The following UBXN8 variants were observed in gnomAD, a reference collection of about 807,000 sequenced individuals.
UBXN8 encodes the protein UBX domain-containing protein 8.
A neutral mutation model predicts 32.1 loss-of-function variants in UBXN8; 27 were observed. The observed-to-expected ratio is 0.84, with a 90% CI of 0.62 to 1.16. The LOEUF (loss-of-function observed/expected upper bound fraction) is 1.16, where lower values mean the gene tolerates loss of function less well. Among genes scored for constraint, UBXN8 ranks in the 50% most tolerant of loss-of-function variants. The pLI is 0.00. For synonymous variants in UBXN8, 109 were observed against 111.8 expected, an observed-to-expected ratio of 0.98 and a Z score of 0.16; for missense variants, 306 against 311.4, an observed-to-expected ratio of 0.98 and a Z score of 0.13.
chr8:30,732,080 C>T (rs1406332834), upstream of UBXN8, among the ~76,000 whole-genome samples: 1 of 152,120 alleles, frequency 6.6e-6, no homozygotes, highest in Non-Finnish European at 1.5e-5. Context: ...AAGCTGTTTG[C>T]CTTTCAGTGG....
intron 7 of UBXN8, among the ~76,000 whole-genome samples, chr8:30,764,920 C>T (rs1020573623): frequency 6.6e-6 from 1 of 151,870 alleles, no homozygotes; most frequent in Non-Finnish European, 1.5e-5. Flanking sequence ...CGTGGTGGTG[C>T]GTGCCTGTAG....
upstream of UBXN8, among the ~76,000 whole-genome samples, chr8:30,743,665 G>A (rs1805268361): frequency 6.6e-6 from 1 of 152,224 alleles, no homozygotes; most frequent in African/African-American, 2.4e-5. Context: ...GTGTTAGGGG[G>A]CAGGTATTTG....
chr8:30,755,102 C>A (rs1169881057), intron 4 of UBXN8, among the ~76,000 whole-genome samples: 1 of 151,768 alleles, frequency 6.6e-6, no homozygotes, highest in Non-Finnish European at 1.5e-5. Context: ...ACTACAGGCG[C>A]CTGCCACCAT....
rs369021091 is a variant in UBXN8, at chr8:30,760,875, T to C, written c.529-13T>C. ...AACATGTTTACATTCCTCTTACCAATACTTTTCTTTAGATTCCTGATTTAC... is the reference window on the plus strand; with the variant it reads ...AACATGTTTACATTCCTCTTACCAACACTTTTCTTTAGATTCCTGATTTAC... On this transcript the variant is annotated splice_polypyrimidine_tract_variant and intron_variant, in intron 5 of 7. Coordinates refer to ENST00000265616, the MANE Select transcript of UBXN8 (RefSeq NM_005671.4). 1.1e-3 allele frequency: 1,628 copies of C among 1,520,674 alleles called. 8 individuals are homozygous for C. The highest frequency in any genetic ancestry group is 9.4e-3 in the South Asian group (755 of 80,386). 94.2% of individuals were successfully genotyped at this position (1,520,674 alleles called of 1,614,324 possible). A position where few individuals can be genotyped will look rare whatever the true frequency, so the allele number is the denominator to read the frequency against.
intron 7 of UBXN8, among the ~76,000 whole-genome samples, chr8:30,765,250 G>A (rs1032822531): frequency 2.6e-5 from 4 of 151,816 alleles, no homozygotes; most frequent in Non-Finnish European, 4.4e-5. Flanking sequence ...TAAGATCAGT[G>A]TTCCTGACAG....
chr8:30,737,118 A>AT (rs1805082789), intron 1 of UBXN8, among the ~76,000 whole-genome samples: 1 of 152,226 alleles, frequency 6.6e-6, no homozygotes, highest in African/African-American at 2.4e-5. Context: ...CCAGTCTAGC[A>AT]TAACCATTTT....
rs67334347 is a variant in UBXN8 at position 30,747,894 on chromosome 8, CTTTTTTTT to C, written c.89-3485_89-3478del. On this transcript the variant is annotated intron_variant, in intron 1 of 7. Coordinates refer to ENST00000265616, the MANE Select transcript of UBXN8 (RefSeq NM_005671.4). Reference sequence around the variant, plus strand: ...TTTCTTTTTTTAATATATATTTTTTCTTTTTTTTTTTTTTTTTTTTTTTTGCTACCTTT... The same window carrying C: ...TTTCTTTTTTTAATATATATTTTTTCTTTTTTTTTTTTTTTTGCTACCTTT... Among the ~76,000 whole-genome samples, 35 of 35,638 alleles carry C rather than the reference CTTTTTTTT, an allele frequency of 9.8e-4. 2 individuals are homozygous for C. Among genetic ancestry groups the C allele is most frequent in the African/African-American group, 1.8e-3 (17 of 9,388 alleles). 23.4% of individuals were successfully genotyped at this position (35,638 alleles called of 152,430 possible). A position where few individuals can be genotyped will look rare whatever the true frequency, so the allele number is the denominator to read the frequency against.
intron 7 of UBXN8, among the ~76,000 whole-genome samples, chr8:30,764,827 G>A (rs887243200): frequency 3.3e-5 from 5 of 152,258 alleles, no homozygotes; most frequent in East Asian, 1.9e-4. Flanking sequence ...TGAGGCAAGC[G>A]GATCATGAGG....
chr8:30,749,168 C>T (rs1014880367), intron 1 of UBXN8, among the ~76,000 whole-genome samples: 5 of 151,904 alleles, frequency 3.3e-5, no homozygotes, highest in African/African-American at 4.8e-5. Context: ...CTGAGGCCAG[C>T]GGATCACCTG....
upstream of UBXN8, among the ~76,000 whole-genome samples, chr8:30,730,194 A>T (rs1194356447): frequency 1.3e-5 from 2 of 152,170 alleles, no homozygotes; most frequent in East Asian, 3.8e-4. Context: ...AGCTCGTTTA[A>T]GACCCAAAAC....
intron 1 of UBXN8, among the ~76,000 whole-genome samples, chr8:30,747,888 T>TA: frequency 8.6e-6 from 1 of 116,132 alleles, no homozygotes; most frequent in Admixed American, 9.5e-5. Flanking sequence ...TTAATATATA[T>TA]TTTTTCTTTT....
Position 30,744,293 on chromosome 8 carries a change from T to C in UBXN8, c.88+16T>C. On this transcript the variant is annotated intron_variant, in intron 1 of 7. Transcript: ENST00000265616. ...CCGGATATAGGTAAGTGTGACTTTT[T>C]CCCTTCGACAGTCACAGCTGGGTAA... 6.2e-7 allele frequency: 1 copy of C among 1,609,312 alleles called. No individual in the cohort carries two copies. The highest frequency in any genetic ancestry group is 8.5e-7 in the Non-Finnish European group (1 of 1,177,128).
chr8:30,744,084 T>C (rs904295363), upstream of UBXN8: 19 of 939,116 alleles, frequency 2.0e-5, no homozygotes, highest in African/African-American at 3.0e-4. Flanking sequence ...TACCACGTTA[T>C]TGACCCTCTC....
At chr8:30,747,847 C>G (rs1447876311) in intron 1 of UBXN8, among the ~76,000 whole-genome samples, 1 of 133,396 alleles carries the variant, frequency 7.5e-6, no homozygotes, top group Non-Finnish European at 1.6e-5. Context: ...GCCTGTAATC[C>G]CAGCACTTTG....
At chr8:30,740,133 C>T (rs115702958), upstream of UBXN8, among the ~76,000 whole-genome samples, 5,644 of 151,956 alleles carry the variant, frequency 0.037, 286 homozygotes, top group African/African-American at 0.11. Flanking sequence ...TCTCAAACTC[C>T]TGGGCACCTC....
intron 5 of UBXN8, among the ~76,000 whole-genome samples, chr8:30,757,279 G>A (rs544201946): frequency 6.6e-6 from 1 of 152,110 alleles, no homozygotes; most frequent in East Asian, 1.9e-4. Context: ...GCCAGGCACT[G>A]TGGCTCATGC....
intron 2 of UBXN8, 133 bp from the exon 3 acceptor site, chr8:30,752,902 C>A: frequency 1.0e-6 from 1 of 990,640 alleles, no homozygotes; most frequent in Non-Finnish European, 1.4e-6. Context: ...ACATAAATGA[C>A]AATGTGATGT....
intron 6 of UBXN8, among the ~76,000 whole-genome samples, chr8:30,761,963 C>T (rs1805845826): frequency 6.6e-6 from 1 of 151,690 alleles, no homozygotes; most frequent in Non-Finnish European, 1.5e-5. Context: ...GTATGGGGAG[C>T]ACATACGTGT....
chr8:30,754,021 C>T (rs1393042151), intron 3 of UBXN8, among the ~76,000 whole-genome samples: 1 of 152,128 alleles, frequency 6.6e-6, no homozygotes, highest in Non-Finnish European at 1.5e-5. Context: ...ACGGGTGGAT[C>T]ACGAGGTCAA....
Sources: gnomAD v4.1 joint callset for allele counts (sites outside exome capture counted in the v4.1 genomes callset) on GRCh38, gnomAD v4.1.1 for gene constraint, MANE v1.5 for transcripts, NCBI Gene and HGNC (gene_info 2026-07-23, HGNC 2026-07-21) for gene names.